Variants in ALPK3 observed in about 807,000 individuals in gnomAD.
ALPK3 encodes alpha-protein kinase 3.
Under a neutral mutation model 140.0 loss-of-function variants are expected in ALPK3, and 102 were observed. The observed-to-expected ratio is 0.73, with a 90% CI of 0.62 to 0.86. The LOEUF (loss-of-function observed/expected upper bound fraction) is 0.86, where lower values mean the gene tolerates loss of function less well. Among genes scored for constraint, ALPK3 ranks in the 40% least tolerant of loss-of-function variants. ALPK3 has a pLI of 0.00. For missense variants in ALPK3, 2,254 were observed against 2,208.2 expected, an observed-to-expected ratio of 1.02 and a Z score of -0.42; for synonymous variants, 938 against 898.5, an observed-to-expected ratio of 1.04 and a Z score of -0.79.
In ALPK3 at chr15:84,858,258, G is replaced by A; in HGVS notation, c.3520G>A (p.Ala1174Thr). ...RRKRFLPKVR[A>T]AGDGEATTPE... ...GAAGAGATTTCTCCCTAAGGTCAGA[G>A]CAGCAGGAGACGGGGAGGCAACCAC... is the stretch of plus-strand genomic sequence containing the variant. The change falls in exon 6 of 14, where the codon GCA becomes ACA. Residue 1174 changes from alanine (A) to threonine (T), a missense_variant. Ala to Thr is a moderately conservative substitution (Grantham distance 58, BLOSUM62 0). This residue lies in a region of ALPK3 where 2,088 missense variants were observed against 2,022.9 expected (regional missense o/e 1.03). Transcript: ENST00000258888. The A allele has an allele frequency of 6.2e-7, 1 of 1,602,620 alleles. No homozygotes were observed. Among genetic ancestry groups the A allele is most frequent in the Non-Finnish European group, 8.5e-7 (1 of 1,174,736 alleles).
At position 84,839,246 on chromosome 15, in the gene ALPK3, C is replaced by T; in HGVS notation, c.422+149C>T. On this transcript the variant is annotated intron_variant, in intron 4 of 13. Transcript: ENST00000258888. Reference sequence around the variant, plus strand: ...GGATTCTGCTGTGTGGTTGAACCACCTGGTGAACCACATCTGCCTTCCGGT... The same window carrying T: ...GGATTCTGCTGTGTGGTTGAACCACTTGGTGAACCACATCTGCCTTCCGGT... The T allele has an allele frequency of 4.4e-6, 3 of 689,436 alleles. No homozygotes were observed. The East Asian group carries it at 8.2e-5, about 19-fold the overall frequency. 42.7% of individuals were successfully genotyped at this position (689,436 alleles called of 1,614,324 possible).
chr15:84,846,611 A>C (rs1389411218), intron 5 of ALPK3, among the ~76,000 whole-genome samples: 1 of 152,020 alleles, frequency 6.6e-6, no homozygotes, highest in Non-Finnish European at 1.5e-5. Flanking sequence ...ACTTGAACCC[A>C]GGATGTTGAG....
Position 84,856,397 on chromosome 15 carries a change from G to A in ALPK3, c.1659G>A (p.Leu553=). The change falls in exon 6 of 14, where the codon CTG becomes CTA. Residue 553 remains leucine (L), a synonymous_variant. Coordinates refer to ENST00000258888, the MANE Select transcript of ALPK3 (RefSeq NM_020778.5). The part of the protein sequence containing the change: ...QAGHRTPGEV[L]ECQTTTAPTM... ...TTTTGTCCCTCTGTTTTCAGGTCCT[G>A]GAATGCCAGACAACCACGGCTCCTA... 1 of 1,593,478 alleles carries A rather than the reference G, an allele frequency of 6.3e-7. No individual in the cohort carries two copies. Among genetic ancestry groups the A allele is most frequent in the Non-Finnish European group, 8.5e-7 (1 of 1,171,710 alleles).
intron 5 of ALPK3, among the ~76,000 whole-genome samples, chr15:84,843,753 A>G (rs897939391): frequency 6.6e-6 from 1 of 152,230 alleles, no homozygotes; most frequent in Non-Finnish European, 1.5e-5. Context: ...AGTATTTCAA[A>G]TATAATATTC....
chr15:84,855,115 T>C (rs1342508848), intron 5 of ALPK3, among the ~76,000 whole-genome samples: 2 of 152,238 alleles, frequency 1.3e-5, no homozygotes, highest in Non-Finnish European at 2.9e-5. Context: ...TCTGCCTCCA[T>C]TCCATCTCCT....
Position 84,840,858 on chromosome 15 carries a change from C to G in ALPK3, c.1579C>G (p.Pro527Ala), listed in dbSNP as rs369948504. ...PPQASVQVPT[P>A]PARRRHGTRD... ...TCAGGCCTCTGTGCAGGTGCCGACG[C>G]CCCCTGCCCGGCGGAGACATGGCAC... The change falls in exon 5 of 14, where the codon CCC (proline) becomes GCC (alanine). Residue 527 changes from proline (P) to alanine (A), a missense_variant. By Grantham distance (27) the Pro-to-Ala change is conservative. Around this residue, in one of 3 missense-constraint regions of ALPK3, gnomAD observed 2,088 missense variants for 2,022.9 expected, o/e 1.03. Coordinates refer to ENST00000258888, the MANE Select transcript of ALPK3 (RefSeq NM_020778.5). 1.2e-6 allele frequency: 2 copies of G among 1,613,972 alleles called. No homozygotes were observed. The highest frequency in any genetic ancestry group is 1.7e-6 in the Non-Finnish European group (2 of 1,179,930).
In ALPK3 at chr15:84,856,643, A is replaced by G. The variant is rs774696338; in HGVS notation, c.1905A>G (p.Ala635=). 1.9e-6 allele frequency: 3 copies of G among 1,614,146 alleles called. No homozygotes were observed. The South Asian group carries it at 3.3e-5, about 18-fold the overall frequency. The stretch of plus-strand genomic sequence containing the variant: ...CACAGACAGCCCAGAGGACACGTGC[A>G]GATAGGAAGACGCAGGTGGATGCTG... ...DGTQTAQRTR[A]DRKTQVDAGT... The change falls in exon 6 of 14, where the codon GCA becomes GCG. Residue 635 remains alanine, a synonymous_variant. Coordinates refer to ENST00000258888, the MANE Select transcript of ALPK3 (RefSeq NM_020778.5).
At position 84,870,713 on chromosome 15, in the gene ALPK3, T is replaced by C. The variant is rs1964060288; in HGVS notation, c.*2257T>C. On this transcript the variant is annotated 3_prime_UTR_variant, in exon 14 of 14. Coordinates refer to ENST00000258888, the MANE Select transcript of ALPK3 (RefSeq NM_020778.5). ...CTAGTGGGTCCCCTTCCACTCAAGA[T>C]TCAAATTCCAAGTGAAAGAACCTGG... The C allele has an allele frequency of 6.6e-6, 1 of 152,200 alleles. No individual in the cohort carries two copies. The allele number at this position is 152,200 out of a possible 1,614,324, so 9.4% of individuals were successfully genotyped here.
At chr15:84,846,293 T>C (rs1029651594) in intron 5 of ALPK3, among the ~76,000 whole-genome samples, 1 of 152,178 alleles carries the variant, frequency 6.6e-6, no homozygotes, top group Non-Finnish European at 1.5e-5. Flanking sequence ...AAAAGTTACA[T>C]GGCATATGAA....
chr15:84,818,827 G>C (rs141198397), intron 1 of ALPK3, among the ~76,000 whole-genome samples: 1 of 152,198 alleles, frequency 6.6e-6, no homozygotes, highest in Non-Finnish European at 1.5e-5. Context: ...TGCCAGGAAA[G>C]AATACCCCTT....
Position 84,869,811 on chromosome 15 carries a change from T to C in ALPK3, c.*1355T>C, listed in dbSNP as rs943358447. The C allele has an allele frequency of 2.6e-5, 4 of 152,660 alleles. No individual in the cohort carries two copies. Among genetic ancestry groups the C allele is most frequent in the African/African-American group, 7.2e-5 (3 of 41,430 alleles). 9.5% of individuals were successfully genotyped at this position (152,660 alleles called of 1,614,324 possible). A position where few individuals can be genotyped will look rare whatever the true frequency, so the allele number is the denominator to read the frequency against. On this transcript the variant is annotated 3_prime_UTR_variant, in exon 14 of 14. Transcript: ENST00000258888. Reference sequence around the variant, plus strand: ...CAAGGTCCCCCTCTCCCAGGCAGGCTCTCTGAGGGCATTCTGTAGTCCCAG... The same window carrying C: ...CAAGGTCCCCCTCTCCCAGGCAGGCCCTCTGAGGGCATTCTGTAGTCCCAG...
At chr15:84,865,818 G>A (rs545999211) in intron 12 of ALPK3, among the ~76,000 whole-genome samples, 3 of 152,292 alleles carry the variant, frequency 2.0e-5, no homozygotes, top group South Asian at 2.1e-4. Flanking sequence ...AATTCTGTCT[G>A]TAATTCCAGC....
rs998746711 is a variant in ALPK3, at chr15:84,859,110, C to T, written c.3818-133C>T. 2.0e-5 allele frequency: 25 copies of T among 1,230,240 alleles called. No homozygotes were observed. The African/African-American group carries it at 3.0e-4, about 15-fold the overall frequency. 76.2% of individuals were successfully genotyped at this position (1,230,240 alleles called of 1,614,324 possible). A position where few individuals can be genotyped will look rare whatever the true frequency, so the allele number is the denominator to read the frequency against. On this transcript the variant is annotated intron_variant, in intron 6 of 13. Coordinates refer to ENST00000258888, the MANE Select transcript of ALPK3 (RefSeq NM_020778.5). ...GATATAGGCAGGAGGCACCGGGGGG[C>T]TGTGAGTGGTAGGTCTGTGTGGAGA...
intron 3 of ALPK3, among the ~76,000 whole-genome samples, chr15:84,832,271 G>A (rs1455157127): frequency 6.6e-6 from 1 of 152,180 alleles, no homozygotes; most frequent in East Asian, 1.9e-4. Flanking sequence ...CTAGCTTAGG[G>A]TTGAGCTGTC....
At chr15:84,833,901 C>A (rs780004669) in intron 3 of ALPK3, among the ~76,000 whole-genome samples, 1 of 152,100 alleles carries the variant, frequency 6.6e-6, no homozygotes, top group African/African-American at 2.4e-5. Context: ...AGCCTACTGT[C>A]TCCAGCACAG....
At chr15:84,845,285 G>A (rs918281106) in intron 5 of ALPK3, among the ~76,000 whole-genome samples, 19 of 152,302 alleles carry the variant, frequency 1.2e-4, no homozygotes, top group African/African-American at 4.3e-4. Flanking sequence ...GACAGTGGTA[G>A]CAACAGAGGC....
intron 12 of ALPK3, 70 bp downstream of exon 12, chr15:84,864,735 A>G (rs1224154040): frequency 4.0e-6 from 6 of 1,494,438 alleles, no homozygotes; most frequent in South Asian, 1.2e-5. Flanking sequence ...AGGCAAAGCC[A>G]TAGTGCTTGG....
intron 5 of ALPK3, among the ~76,000 whole-genome samples, chr15:84,842,375 C>T (rs1301133290): frequency 3.3e-5 from 5 of 152,222 alleles, no homozygotes; most frequent in African/African-American, 1.2e-4. Context: ...TAAGTGGAGA[C>T]ATCCTCTGGT....
At position 84,832,915 on chromosome 15, in the gene ALPK3, A is replaced by C. The variant is rs140126303; in HGVS notation, c.304+5310A>C. Among the ~76,000 whole-genome samples, 38 of 152,124 alleles carry C rather than the reference A, an allele frequency of 2.5e-4. 2 individuals are homozygous for C. In the East Asian group the frequency reaches 7.4e-3, roughly 29 times the overall value. On this transcript the variant is annotated intron_variant, in intron 3 of 13. Transcript: ENST00000258888. ...TCCATTCTGTTCTTTGTAGCCATGG[A>C]GTTTAAGAGCAATGTGGAGATGTCA...
Sources: gnomAD v4.1 joint callset for allele counts (sites outside exome capture counted in the v4.1 genomes callset) on GRCh38, gnomAD v4.1.1 for gene constraint, gnomAD v4.1.1 regional missense constraint, MANE v1.5 for transcripts, NCBI Gene and HGNC (gene_info 2026-07-23, HGNC 2026-07-21) for gene names.